Variants in MATN2 observed in about 807,000 individuals in gnomAD.
MATN2 encodes the protein matrilin-2.
MATN2 carries 69 observed loss-of-function variants against 103.2 expected under a neutral mutation model. The ratio of observed to expected loss-of-function variants is 0.67; its 90% CI spans 0.55 to 0.82. MATN2 has a LOEUF of 0.82. Ranked by LOEUF, MATN2 falls within the 40% of genes least tolerant of loss-of-function variation. MATN2 has a pLI of 0.00. For missense variants in MATN2, 1,023 were observed against 1,211.5 expected, an observed-to-expected ratio of 0.84 and a Z score of 2.31; for synonymous variants, 429 against 450.2, an observed-to-expected ratio of 0.95 and a Z score of 0.60.
intron 5 of MATN2, 37 bp downstream of exon 5, chr8:97,961,567 C>A: frequency 6.3e-7 from 1 of 1,576,232 alleles, no homozygotes; most frequent in South Asian, 1.2e-5. Flanking sequence ...TAGGGAAGGA[C>A]AAGTTAAGCA....
At chr8:97,933,155 GA>G (rs1759884984) in intron 3 of MATN2, among the ~76,000 whole-genome samples, 1 of 152,060 alleles carries the variant, frequency 6.6e-6, no homozygotes, top group Non-Finnish European at 1.5e-5. Context: ...ATGCCATGAA[GA>G]AAAAAAGAAC....
At chr8:97,871,206 G>A (rs1817885154) in intron 1 of MATN2, among the ~76,000 whole-genome samples, 1 of 152,214 alleles carries the variant, frequency 6.6e-6, no homozygotes, top group Non-Finnish European at 1.5e-5. Flanking sequence ...AGAGATGTTT[G>A]CTCTTTGAAA....
chr8:98,032,981 T>C (rs1035268320), intron 16 of MATN2, 61 bp from the exon 17 acceptor site: 1 of 1,524,920 alleles, frequency 6.6e-7, no homozygotes, highest in Non-Finnish European at 8.8e-7. Flanking sequence ...ACTCTGCTGA[T>C]GGCTGTTTTA....
At chr8:97,870,392 C>G (rs546096371) in intron 1 of MATN2, among the ~76,000 whole-genome samples, 1 of 152,234 alleles carries the variant, frequency 6.6e-6, no homozygotes, top group Non-Finnish European at 1.5e-5. Context: ...GTGGCGCATG[C>G]CTGTAATCCC....
intron 3 of MATN2, among the ~76,000 whole-genome samples, chr8:97,938,172 C>G (rs1251031538): frequency 6.6e-6 from 1 of 152,110 alleles, no homozygotes; most frequent in East Asian, 1.9e-4. Flanking sequence ...CACTACACTT[C>G]CTTAATTATG....
intron 7 of MATN2, 107 bp downstream of exon 7, chr8:97,994,709 G>A (rs1812512182): frequency 3.2e-6 from 4 of 1,243,816 alleles, no homozygotes; most frequent in Non-Finnish European, 2.2e-6. Context: ...ATTCAGCATT[G>A]TGTCTATTAA....
At chr8:97,909,224 T>C (rs1020865292) in intron 2 of MATN2, among the ~76,000 whole-genome samples, 2 of 152,240 alleles carry the variant, frequency 1.3e-5, no homozygotes, top group African/African-American at 4.8e-5. Context: ...TGAGACACCA[T>C]GCCCAGCCTC....
At chr8:97,930,813 G>C (rs1026280729) in intron 2 of MATN2, 140 bp from the exon 3 acceptor site, 1 of 584,692 alleles carries the variant, frequency 1.7e-6, no homozygotes, top group South Asian at 2.3e-5. Context: ...GTAGAGACAG[G>C]GTTTTACAGT....
intron 1 of MATN2, among the ~76,000 whole-genome samples, chr8:97,875,174 T>C (rs36077713): frequency 0.042 from 6,323 of 152,244 alleles, 265 homozygotes; most frequent in Admixed American, 0.059. Context: ...GTAGACATCT[T>C]TGGAGGGCAA....
At chr8:98,006,338 T>C (rs1314912297) in intron 8 of MATN2, among the ~76,000 whole-genome samples, 1 of 152,248 alleles carries the variant, frequency 6.6e-6, no homozygotes, top group African/African-American at 2.4e-5. Context: ...TCAGCACTAC[T>C]TGATAATAAT....
chr8:97,893,527 C>A (rs1452417689), intron 2 of MATN2, among the ~76,000 whole-genome samples: 3 of 152,032 alleles, frequency 2.0e-5, no homozygotes, highest in Non-Finnish European at 4.4e-5. Flanking sequence ...TTTTTGGAAA[C>A]CTTAACCCTC....
At chr8:98,001,487 CAG>C (rs1228553524) in intron 7 of MATN2, among the ~76,000 whole-genome samples, 11 of 125,840 alleles carry the variant, frequency 8.7e-5, no homozygotes, top group African/African-American at 1.5e-4. Flanking sequence ...TTTTTTGAGA[CAG>C]AGTCTCACTC....
chr8:98,016,322 G>C (rs1265614845), intron 10 of MATN2, among the ~76,000 whole-genome samples: 2 of 152,108 alleles, frequency 1.3e-5, no homozygotes, highest in African/African-American at 4.8e-5. Flanking sequence ...GCAGTGAGTT[G>C]AGATCACGCC....
intron 10 of MATN2, among the ~76,000 whole-genome samples, chr8:98,009,794 C>G: frequency 6.6e-6 from 1 of 152,164 alleles, no homozygotes; most frequent in South Asian, 2.1e-4. Flanking sequence ...AGACTCCTTC[C>G]CTCTCTAGAC....
In MATN2 at chr8:98,036,449, CTT is replaced by C. The variant is rs1814252270; in HGVS notation, c.*739_*740del. 1.3e-5 allele frequency: 2 copies of C among 152,042 alleles called. No individual in the cohort carries two copies. The highest frequency in any genetic ancestry group is 4.8e-5 in the African/African-American group (2 of 41,298). 9.4% of individuals were successfully genotyped at this position (152,042 alleles called of 1,614,324 possible). ...TTGTAGTAAGAATGCAAATGGCACT[CTT>C]TGTAGAGTAAGTCTGTTGACATCTC... On this transcript the variant is annotated 3_prime_UTR_variant, in exon 19 of 19. Coordinates refer to ENST00000254898, the MANE Select transcript of MATN2 (RefSeq NM_002380.5).
chr8:97,916,527 T>A (rs1339470374), intron 2 of MATN2, among the ~76,000 whole-genome samples: 1 of 152,178 alleles, frequency 6.6e-6, no homozygotes, highest in Non-Finnish European at 1.5e-5. Context: ...TTCCTGATCC[T>A]CTCCCTCCTC....
rs960894779 is a variant in MATN2, at chr8:97,969,603, G to C, written c.958+8073G>C. Among the ~76,000 whole-genome samples the C allele has an allele frequency of 1.1e-4, 17 of 152,304 alleles. 1 individual carries two copies. Among genetic ancestry groups the C allele is most frequent in the African/African-American group, 3.4e-4 (14 of 41,554 alleles). On this transcript the variant is annotated intron_variant, in intron 5 of 18. Transcript: ENST00000254898. ...CAGGAAAAATATTCATGAAGAAGTA[G>C]CTTAAGGCTGGGGGAGAGAAAGAAG...
chr8:97,888,162 C>A lies in MATN2; in HGVS notation c.62C>A (p.Ala21Asp). Residue 21 changes from alanine (A) to aspartate (D), a missense_variant, in exon 2 of 19, where the codon GCC becomes GAC. By Grantham distance (126) the Ala-to-Asp change is moderately radical. Transcript: ENST00000254898. ...LILGQIVLLP[A>D]EARERSRGRS... ...CTCGGACAGATCGTCCTCCTCCCTG[C>A]CGAGGCCAGGGAGCGGTCACGTGGG... 1 of 1,609,284 alleles carries A rather than the reference C, an allele frequency of 6.2e-7. No homozygotes were observed. Among genetic ancestry groups the A allele is most frequent in the Non-Finnish European group, 8.5e-7 (1 of 1,177,836 alleles).
At chr8:97,869,542 G>C (rs919303748) in intron 1 of MATN2, among the ~76,000 whole-genome samples, 1 of 152,158 alleles carries the variant, frequency 6.6e-6, no homozygotes, top group African/African-American at 2.4e-5. Context: ...GACAAGCCGC[G>C]CTGCAGCCGC....
Sources: gnomAD v4.1 joint callset for allele counts (sites outside exome capture counted in the v4.1 genomes callset) on GRCh38, gnomAD v4.1.1 for gene constraint, MANE v1.5 for transcripts, NCBI Gene and HGNC (gene_info 2026-07-23, HGNC 2026-07-21) for gene names.